The following CDH18 variants were observed in gnomAD, a reference collection of about 807,000 sequenced individuals.
CDH18 encodes the protein cadherin 18.
CDH18 carries 31 observed loss-of-function variants against 67.9 expected under a neutral mutation model. The observed-to-expected ratio is 0.46, with a 90% CI of 0.34 to 0.62. The LOEUF (loss-of-function observed/expected upper bound fraction) is 0.62, where lower values mean the gene tolerates loss of function less well. CDH18 is among the 20% of genes least tolerant of loss of function. CDH18 has a pLI of 0.01. For missense variants in CDH18, 890 were observed against 975.5 expected (o/e 0.91, Z 1.17); for synonymous variants, 362 against 347.2 (o/e 1.04, Z -0.48).
intron 9 of CDH18, among the ~76,000 whole-genome samples, chr5:19,524,239 T>C (rs1165134635): frequency 6.6e-6 from 1 of 150,828 alleles, no homozygotes; most frequent in Non-Finnish European, 1.5e-5. Context: ...ATATAATTTA[T>C]ATTGGCATAG....
At chr5:20,431,073 G>T (rs977324836) in intron 1 of CDH18, among the ~76,000 whole-genome samples, 1 of 152,100 alleles carries the variant, frequency 6.6e-6, no homozygotes, top group African/African-American at 2.4e-5. Context: ...ATTTTATAGT[G>T]AAATCTACCA....
chr5:20,462,414 G>C (rs1038122897), intron 1 of CDH18, among the ~76,000 whole-genome samples: 1 of 152,118 alleles, frequency 6.6e-6, no homozygotes. Flanking sequence ...GAAGATACAA[G>C]TTCTAATGTT....
intron 2 of CDH18, among the ~76,000 whole-genome samples, chr5:20,232,207 T>G (rs936872130): frequency 6.6e-5 from 10 of 152,026 alleles, no homozygotes; most frequent in African/African-American, 2.2e-4. Flanking sequence ...AGTTGACCTT[T>G]GCTTGTAGAC....
Position 19,811,049 on chromosome 5 carries a change from G to A in CDH18, c.228+27710C>T, listed in dbSNP as rs531493985. Among the ~76,000 whole-genome samples, 3 of 143,890 alleles carry A rather than the reference G, an allele frequency of 2.1e-5. No individual in the cohort carries two copies. In the South Asian group the frequency reaches 6.7e-4, roughly 32 times the overall value. The allele number at this position is 143,890 out of a possible 152,430, so 94.4% of individuals were successfully genotyped here. A position where few individuals can be genotyped will look rare whatever the true frequency, so the allele number is the denominator to read the frequency against. On this transcript the variant is annotated intron_variant, in intron 3 of 12. Coordinates refer to ENST00000382275, the MANE Select transcript of CDH18 (RefSeq NM_004934.5). Reference sequence around the variant, plus strand: ...AAAAGGAAAGGAAAGGAAAGGGAAAGGGAAAGGAAAAGGGAAGGGAGAAAG... The same window carrying A: ...AAAAGGAAAGGAAAGGAAAGGGAAAAGGAAAGGAAAAGGGAAGGGAGAAAG...
intron 1 of CDH18, among the ~76,000 whole-genome samples, chr5:20,516,297 A>T (rs1483828567): frequency 2.6e-5 from 4 of 152,024 alleles, no homozygotes; most frequent in African/African-American, 9.7e-5. Context: ...GCATAGGAGA[A>T]CAAGAGGTTT....
In CDH18 at chr5:20,304,593, G is replaced by T. The variant is rs1736253780; in HGVS notation, c.-579-49088C>A. 4.3e-6 allele frequency: 7 copies of T among 1,611,886 alleles called. No individual in the cohort carries two copies. In the South Asian group the frequency reaches 7.7e-5, roughly 18 times the overall value. On this transcript the variant is annotated intron_variant, in intron 1 of 14. Coordinates refer to the CDH18 transcript ENST00000507958. ...ATGAAAATCCAGTCAGGGGGACAGA[G>T]CTTAATGAGCCCAAAACAGAGCTAT...
chr5:20,486,679 T>TTTG (rs11484031), intron 1 of CDH18, among the ~76,000 whole-genome samples: 3,727 of 86,958 alleles, frequency 0.043, 166 homozygotes, highest in African/African-American at 0.17. Flanking sequence ...GTTGCTATTT[T>TTTG]TGTATATATA....
intron 5 of CDH18, among the ~76,000 whole-genome samples, chr5:19,628,957 A>G (rs1256321655): frequency 2.0e-5 from 3 of 152,096 alleles, no homozygotes; most frequent in Non-Finnish European, 4.4e-5. Context: ...GTGGCATTCT[A>G]GAAACCAACC....
At position 19,482,065 on chromosome 5, in the gene CDH18, G is replaced by GT. The variant is rs1199730501; in HGVS notation, c.1882+1235dup. On this transcript the variant is annotated intron_variant, in intron 12 of 12. Coordinates refer to ENST00000382275, the MANE Select transcript of CDH18 (RefSeq NM_004934.5). ...GATAATGTAAAATTAGAGAAAGTGT[G>GT]TTTTTTAATAAACTGTAATGAAAAT... Among the ~76,000 whole-genome samples the GT allele has an allele frequency of 3.2e-4, 48 of 151,998 alleles. 1 individual carries two copies. The highest frequency in any genetic ancestry group is 2.1e-3 in the Admixed American group (32 of 15,266).
intron 9 of CDH18, among the ~76,000 whole-genome samples, chr5:19,531,616 C>A (rs971189234): frequency 6.5e-5 from 8 of 122,270 alleles, no homozygotes; most frequent in Non-Finnish European, 1.3e-4. Flanking sequence ...TTCTCACACA[C>A]ACACACACAC....
intron 11 of CDH18, among the ~76,000 whole-genome samples, chr5:19,484,401 C>T (rs988521566): frequency 6.6e-6 from 1 of 152,162 alleles, no homozygotes; most frequent in Non-Finnish European, 1.5e-5. Context: ...TGTCACATTG[C>T]CTCATCTACA....
intron 2 of CDH18, among the ~76,000 whole-genome samples, chr5:20,068,861 G>C (rs1055313102): frequency 2.6e-5 from 4 of 151,942 alleles, no homozygotes; most frequent in Non-Finnish European, 5.9e-5. Flanking sequence ...AGAAGTATTA[G>C]GTTATTGATT....
intron 3 of CDH18, among the ~76,000 whole-genome samples, chr5:19,816,612 T>C (rs1779312104): frequency 6.6e-6 from 1 of 151,824 alleles, no homozygotes; most frequent in Non-Finnish European, 1.5e-5. Flanking sequence ...GAAACATAAA[T>C]CCAATCTAGT....
intron 7 of CDH18, among the ~76,000 whole-genome samples, chr5:19,577,806 T>C (rs148046787): frequency 2.0e-5 from 3 of 152,326 alleles, no homozygotes; most frequent in East Asian, 1.9e-4. Flanking sequence ...GCAACAAATA[T>C]GAATATGGCA....
intron 2 of CDH18, among the ~76,000 whole-genome samples, chr5:20,199,832 C>T (rs4329022): frequency 5.3e-5 from 8 of 152,122 alleles, no homozygotes; most frequent in African/African-American, 1.7e-4. Context: ...TGAATTTTCA[C>T]GAGATCTGAC....
At chr5:20,047,211 C>CA (rs1337344526) in intron 2 of CDH18, among the ~76,000 whole-genome samples, 16 of 151,264 alleles carry the variant, frequency 1.1e-4, no homozygotes, top group Middle Eastern at 3.4e-3. Flanking sequence ...ACTACTGAAA[C>CA]AAAAAAATGG....
intron 3 of CDH18, among the ~76,000 whole-genome samples, chr5:19,778,663 A>T (rs1375229897): frequency 6.6e-6 from 1 of 152,086 alleles, no homozygotes; most frequent in African/African-American, 2.4e-5. Flanking sequence ...TGTGATATGG[A>T]CTCTTCTTAT....
In CDH18 at chr5:19,473,398, G is replaced by C. The variant is rs1488890347; in HGVS notation, c.2201C>G (p.Ser734Cys). ...DLDPSVPPYDSLQTYAYEGQR... is the reference protein window; with the variant it reads ...DLDPSVPPYDCLQTYAYEGQR... ...ACCCTCATAGGCATAAGTCTGAAGA[G>C]AGTCATAAGGGGGAACGCTAGGGTC... The change falls in exon 13 of 13, where the codon TCT becomes TGT. Residue 734 changes from serine to cysteine, a missense_variant. By Grantham distance (112) the Ser-to-Cys change is moderately radical. This residue lies in a region of CDH18 where 656 missense variants were observed against 668.1 expected (regional missense o/e 0.98). Coordinates refer to ENST00000382275, the MANE Select transcript of CDH18 (RefSeq NM_004934.5). The C allele has an allele frequency of 1.2e-6, 2 of 1,613,734 alleles. No homozygotes were observed. The highest frequency in any genetic ancestry group is 1.3e-5 in the African/African-American group (1 of 74,890).
intron 2 of CDH18, among the ~76,000 whole-genome samples, chr5:20,248,225 G>A (rs543078252): frequency 1.3e-5 from 2 of 152,136 alleles, no homozygotes; most frequent in East Asian, 3.9e-4. Flanking sequence ...TATTTCTTCA[G>A]TGAGACATGT....
Sources: allele counts gnomAD v4.1 joint callset (sites outside exome capture counted in the v4.1 genomes callset), GRCh38; gene constraint gnomAD v4.1.1; regional missense constraint gnomAD v4.1.1; transcripts MANE v1.5; gene names NCBI Gene and HGNC (gene_info 2026-07-23, HGNC 2026-07-21).